Variants in FRMD8 observed in about 807,000 individuals in gnomAD.
The protein encoded by FRMD8 is FERM domain containing 8, also known as FERM domain-containing protein 8.
A neutral mutation model predicts 54.2 loss-of-function variants in FRMD8; 37 were observed. That is an observed-to-expected ratio of 0.68 (90% CI 0.53 to 0.90). FRMD8 has a LOEUF of 0.90. FRMD8 is among the 40% of genes least tolerant of loss of function. FRMD8 has a pLI of 0.00. For synonymous variants in FRMD8, 246 were observed against 286.9 expected, an observed-to-expected ratio of 0.86 and a Z score of 1.44; for missense variants, 585 against 653.7, an observed-to-expected ratio of 0.89 and a Z score of 1.15.
chr11:65,407,848 C>T (rs1309877714), intron 10 of FRMD8, among the ~76,000 whole-genome samples: 3 of 145,486 alleles, frequency 2.1e-5, no homozygotes, highest in Non-Finnish European at 3.0e-5. Flanking sequence ...CGCGCCACTG[C>T]ACTCCAGCCT....
At chr11:65,398,916 G>A (rs955834533) in intron 7 of FRMD8, among the ~76,000 whole-genome samples, 2 of 152,136 alleles carry the variant, frequency 1.3e-5, no homozygotes, top group African/African-American at 4.8e-5. Flanking sequence ...TGGCTCAGTG[G>A]GTGGTGAGGG....
In FRMD8 at chr11:65,405,079, C is replaced by T. The variant is rs893776119; in HGVS notation, c.1276+11C>T. ...ACTACGTGGAGGACGGTGAGCAGCC[C>T]TTCTGTGCATGTGCACACACAAACA... On this transcript the variant is annotated intron_variant, in intron 10 of 10. Transcript: ENST00000317568. 3.7e-6 allele frequency: 6 copies of T among 1,612,778 alleles called. No individual in the cohort carries two copies. Among genetic ancestry groups the T allele is most frequent in the Middle Eastern group, 1.6e-4 (1 of 6,084 alleles).
chr11:65,400,344 C>A lies in FRMD8; in HGVS notation c.928-380C>A, dbSNP rs775760210. On this transcript the variant is annotated intron_variant, in intron 8 of 10. Transcript: ENST00000317568. This position sits in a 1 kb window ranked among gnomAD's most constrained non-coding sequence, Gnocchi z 4.3. ...AGTTTTGGCTGGCTTCTGGTTGTCC[C>A]GGAAGAAGGACCCCAGCCCCTGCTG... 6.6e-6 allele frequency among the ~76,000 whole-genome samples: 1 copy of A among 152,164 alleles called. No homozygotes were observed. Among genetic ancestry groups the A allele is most frequent in the Non-Finnish European group, 1.5e-5 (1 of 68,032 alleles).
chr11:65,405,807 C>T (rs1856183367), intron 10 of FRMD8, among the ~76,000 whole-genome samples: 1 of 151,946 alleles, frequency 6.6e-6, no homozygotes, highest in South Asian at 2.1e-4. Context: ...TCAAGACCAG[C>T]CTGGACAACA....
At chr11:65,384,606 G>C (rs541673322), upstream of FRMD8, among the ~76,000 whole-genome samples, 26 of 152,248 alleles carry the variant, frequency 1.7e-4, no homozygotes, top group East Asian at 1.2e-3. Flanking sequence ...AGGAAACAGG[G>C]GAAAGGGCCT....
At position 65,411,507 on chromosome 11, in the gene FRMD8, CTT is replaced by C. The variant is rs1856333001; in HGVS notation, c.*150_*151del. 2 of 555,812 alleles carry C rather than the reference CTT, an allele frequency of 3.6e-6. No individual in the cohort carries two copies. Among genetic ancestry groups the C allele is most frequent in the East Asian group, 3.2e-5 (1 of 31,232 alleles). The allele number at this position is 555,812 out of a possible 1,614,324, so 34.4% of individuals were successfully genotyped here. The stretch of plus-strand genomic sequence containing the variant: ...GGTTTCTCAGACCACGGAGAAGTGA[CTT>C]TTGGGCCCGGGGCCATGCCCGGGCT... On this transcript the variant is annotated 3_prime_UTR_variant, in exon 11 of 11. Transcript: ENST00000317568.
At chr11:65,391,862 G>C (rs531010590) in intron 3 of FRMD8, among the ~76,000 whole-genome samples, 14 of 152,326 alleles carry the variant, frequency 9.2e-5, no homozygotes, top group African/African-American at 3.4e-4. Context: ...TTAGGAAGCA[G>C]AGCTCTGTTC....
chr11:65,401,057 G>A (rs1185435657), intron 9 of FRMD8, among the ~76,000 whole-genome samples, 190 bp downstream of exon 9: 1 of 152,102 alleles, frequency 6.6e-6, no homozygotes, highest in East Asian at 1.9e-4. Context: ...AGGTCAGGAG[G>A]CCTGGTCTGC....
At chr11:65,376,472 G>A in the FRMD8 span, 11 of 1,614,022 alleles carry the variant, frequency 6.8e-6, no homozygotes, top group Admixed American at 1.3e-4. Context: ...GGAAAGGCGC[G>A]GGCACTGTTG....
At chr11:65,368,069 G>GTTTTTTTTTTTTTTTTT in the FRMD8 span, 1 of 38,026 alleles carries the variant, frequency 2.6e-5, no homozygotes, top group African/African-American at 7.6e-5. Flanking sequence ...TTTTTTTGGT[G>GTTTTTTTTTTTTTTTTT]TTTTTTTTTT....
At position 65,400,773 on chromosome 11, in the gene FRMD8, C is replaced by T. The variant is rs569914571; in HGVS notation, c.977C>T (p.Ser326Phe). 5 of 1,611,294 alleles carry T rather than the reference C, an allele frequency of 3.1e-6. No individual in the cohort carries two copies. In the Admixed American group the frequency reaches 5.0e-5, roughly 16 times the overall value. The change falls in exon 9 of 11, where the codon TCC becomes TTC. Residue 326 changes from serine (S) to phenylalanine (F), a missense_variant. By Grantham distance (155) the Ser-to-Phe change is radical. Transcript: ENST00000317568. The surrounding 1 kb of genome is among the most constrained non-coding windows in gnomAD (Gnocchi z 4.3). ...RFQELSWDHT[S>F]PEEEEPILWL... ...CAGGAGCTGTCGTGGGACCACACCT[C>T]CCCCGAGGAGGAGGAGCCCATCTTG...
At position 65,412,467 on chromosome 11, in the gene FRMD8, G is replaced by A. The variant is rs1358306131; in HGVS notation, c.*1107G>A. ...ATCGAGGACACTTGGAAAGGTGACT[G>A]ATATGGGTGCTTGGCTTCTCTGGTC... is the stretch of plus-strand genomic sequence containing the variant. On this transcript the variant is annotated 3_prime_UTR_variant, in exon 11 of 11. Transcript: ENST00000317568. 6.6e-6 allele frequency: 1 copy of A among 152,342 alleles called. No individual in the cohort carries two copies. The highest frequency in any genetic ancestry group is 1.5e-5 in the Non-Finnish European group (1 of 68,116). The allele number at this position is 152,342 out of a possible 1,614,324, so 9.4% of individuals were successfully genotyped here. A position where few individuals can be genotyped will look rare whatever the true frequency, so the allele number is the denominator to read the frequency against.
chr11:65,377,878 G>A, the FRMD8 span: 1 of 152,284 alleles, frequency 6.6e-6, no homozygotes, highest in African/African-American at 2.4e-5. Context: ...GTCTCTGAGG[G>A]ATTTATCTGT....
intron 3 of FRMD8, among the ~76,000 whole-genome samples, chr11:65,391,534 A>G (rs893402662): frequency 1.3e-5 from 2 of 151,886 alleles, no homozygotes; most frequent in Admixed American, 1.3e-4. Flanking sequence ...TTTTTGAGAC[A>G]GAGTCTCACT....
intron 10 of FRMD8, among the ~76,000 whole-genome samples, chr11:65,405,285 T>C (rs1856171715): frequency 1.3e-5 from 2 of 152,234 alleles, no homozygotes; most frequent in South Asian, 2.1e-4. Context: ...TCTGCAGCAT[T>C]GTCCAGGATG....
At chr11:65,402,033 G>A (rs890642017) in intron 9 of FRMD8, among the ~76,000 whole-genome samples, 10 of 151,844 alleles carry the variant, frequency 6.6e-5, no homozygotes, top group Admixed American at 2.6e-4. Context: ...ATTCTCAATT[G>A]TTTCGGTGTC....
chr11:65,394,554 C>A lies in FRMD8; in HGVS notation c.581+129C>A, dbSNP rs565307309. 6.4e-5 allele frequency: 72 copies of A among 1,126,456 alleles called. No homozygotes were observed. The African/African-American group carries it at 7.9e-4, about 12-fold the overall frequency. The allele number at this position is 1,126,456 out of a possible 1,614,324, so 69.8% of individuals were successfully genotyped here. On this transcript the variant is annotated intron_variant, in intron 6 of 10. Transcript: ENST00000317568. ...CTGGAGTCAGGAGGCCTCAGCCCCG[C>A]AGGCTCACTCTGGCCCTAGGCAGTT...
the FRMD8 span, among the ~76,000 whole-genome samples, chr11:65,372,035 C>T: frequency 1.3e-5 from 2 of 152,170 alleles, no homozygotes; most frequent in Non-Finnish European, 2.9e-5. Flanking sequence ...CCTCAGCCTC[C>T]TTAGTAGTTG....
the FRMD8 span, chr11:65,379,792 G>A: frequency 6.4e-7 from 1 of 1,568,890 alleles, no homozygotes. Context: ...AACCCTGCTG[G>A]AGAGGGAAGC....
Sources: allele counts gnomAD v4.1 joint callset (sites outside exome capture counted in the v4.1 genomes callset), GRCh38; gene constraint gnomAD v4.1.1; non-coding constraint Gnocchi (gnomAD v3.1); transcripts MANE v1.5; gene names NCBI Gene and HGNC (gene_info 2026-07-23, HGNC 2026-07-21).